Variants in LTBP1 observed in about 807,000 individuals in gnomAD.
LTBP1 encodes latent-transforming growth factor beta-binding protein 1.
In LTBP1, 129 loss-of-function variants were observed where a neutral mutation model predicts 207.6. The ratio of observed to expected loss-of-function variants is 0.62; its 90% CI spans 0.54 to 0.72. LTBP1 has a LOEUF of 0.72. LTBP1 is among the 30% of genes least tolerant of loss of function. LTBP1 has a pLI of 0.00. For synonymous variants in LTBP1, 963 were observed against 833.7 expected, an observed-to-expected ratio of 1.16 and a Z score of -2.67; for missense variants, 2,281 against 2,217.2, an observed-to-expected ratio of 1.03 and a Z score of -0.58.
rs6719885 is a variant in LTBP1 at position 33,283,923 on chromosome 2, A to G, written c.3112+3765A>G. 3.2e-3 allele frequency among the ~76,000 whole-genome samples: 492 copies of G among 152,352 alleles called. 1 individual carries two copies. Among genetic ancestry groups the G allele is most frequent in the African/African-American group, 0.011 (453 of 41,582 alleles). On this transcript the variant is annotated intron_variant, in intron 19 of 33. Coordinates refer to ENST00000404816, the MANE Select transcript of LTBP1 (RefSeq NM_206943.4). ...TTTACATTGTTATAATCAAACATGT[A>G]CAATGTTTTATATAACATTTCTTAA...
chr2:33,316,182 G>GGAGGA, intron 24 of LTBP1, among the ~76,000 whole-genome samples: 1 of 152,094 alleles, frequency 6.6e-6, no homozygotes, highest in Admixed American at 6.5e-5. Context: ...TGTTCTTGAT[G>GGAGGA]ATAATTTACC....
At chr2:33,103,585 A>ATGTGTGTGTGTG (rs1558640670) in intron 3 of LTBP1, among the ~76,000 whole-genome samples, 55 of 77,276 alleles carry the variant, frequency 7.1e-4, no homozygotes, top group African/African-American at 2.2e-3. Flanking sequence ...GTCTCCGTTT[A>ATGTGTGTGTGTG]CGTGTGTGTG....
At chr2:33,296,618 G>A (rs1558966027) in intron 20 of LTBP1, among the ~76,000 whole-genome samples, 2 of 152,144 alleles carry the variant, frequency 1.3e-5, no homozygotes, top group Admixed American at 6.5e-5. Context: ...GCTCTTGGCT[G>A]TTGCCATCCC....
chr2:33,252,708 G>A lies in LTBP1; in HGVS notation c.2031G>A (p.Gly677=). 1.2e-6 allele frequency: 2 copies of A among 1,612,910 alleles called. No individual in the cohort carries two copies. Among genetic ancestry groups the A allele is most frequent in the Non-Finnish European group, 1.7e-6 (2 of 1,179,172 alleles). ...CCCCTGTGATCTCGGAAGAGAAAGG[G>A]CCCTGTTACCGACTTGTCAGTTCTG... ...PDPPVISEEK[G]PCYRLVSSGR... is the part of the protein sequence containing the mutation. Residue 677 remains glycine (G), a synonymous_variant, in exon 11 of 34, where the codon GGG becomes GGA. Transcript: ENST00000404816.
At chr2:33,159,216 C>T (rs777947487) in intron 5 of LTBP1, among the ~76,000 whole-genome samples, 2 of 152,168 alleles carry the variant, frequency 1.3e-5, no homozygotes, top group Non-Finnish European at 2.9e-5. Context: ...TGCTGTGGCT[C>T]CGCAACTCAA....
chr2:33,074,176 A>G (rs1304514199), intron 3 of LTBP1, among the ~76,000 whole-genome samples: 1 of 152,242 alleles, frequency 6.6e-6, no homozygotes, highest in Non-Finnish European at 1.5e-5. Flanking sequence ...GATTTAACGT[A>G]TATGTTGTCC....
intron 15 of LTBP1, among the ~76,000 whole-genome samples, chr2:33,271,214 C>T (rs1453845): frequency 0.26 from 39,692 of 152,046 alleles, 5,433 homozygotes; most frequent in East Asian, 0.38. Context: ...AGTGACTACT[C>T]ATCAAGCTTT....
intron 5 of LTBP1, among the ~76,000 whole-genome samples, chr2:33,170,271 G>A (rs952192356): frequency 3.9e-5 from 6 of 152,226 alleles, no homozygotes; most frequent in South Asian, 2.1e-4. Flanking sequence ...GGTGACAGAC[G>A]GCACCTGGAA....
chr2:33,176,129 C>T (rs1277445337), intron 5 of LTBP1, among the ~76,000 whole-genome samples: 1 of 151,522 alleles, frequency 6.6e-6, no homozygotes, highest in Non-Finnish European at 1.5e-5. Context: ...ACATTGTGCA[C>T]ATGTACCCTA....
chr2:33,182,687 G>GAGATAGATATATATAT (rs1469125010), intron 5 of LTBP1, among the ~76,000 whole-genome samples: 2 of 67,042 alleles, frequency 3.0e-5, no homozygotes, highest in Non-Finnish European at 3.2e-5. Flanking sequence ...AAAAGATGGT[G>GAGATAGATATATATAT]ATATATATAT....
chr2:33,196,058 C>CGTAATAGATGTAATA (rs1354714724), intron 7 of LTBP1, among the ~76,000 whole-genome samples: 2 of 152,172 alleles, frequency 1.3e-5, no homozygotes, highest in African/African-American at 4.8e-5. Context: ...ACTTAATAGA[C>CGTAATAGATGTAATA]GACAGTATAG....
At chr2:33,393,063 C>T (rs1221038408) in intron 32 of LTBP1, among the ~76,000 whole-genome samples, 2 of 151,430 alleles carry the variant, frequency 1.3e-5, no homozygotes. Flanking sequence ...ATTTTTTTAA[C>T]TTTTAGGTTC....
chr2:33,334,362 T>C (rs10495786), intron 24 of LTBP1, among the ~76,000 whole-genome samples: 17,323 of 152,252 alleles, frequency 0.11, 1,591 homozygotes, highest in East Asian at 0.4. Context: ...CAGAGAACTA[T>C]TTGATTGGAC....
chr2:33,045,355 A>G (rs2076392478), intron 3 of LTBP1, among the ~76,000 whole-genome samples: 1 of 152,170 alleles, frequency 6.6e-6, no homozygotes, highest in African/African-American at 2.4e-5. Context: ...TCCCAACACT[A>G]TTTATTAAAT....
In LTBP1 at chr2:33,315,165, C is replaced by G. The variant is rs753141251; in HGVS notation, c.3626C>G (p.Pro1209Arg). 71 of 1,604,424 alleles carry G rather than the reference C, an allele frequency of 4.4e-5. No homozygotes were observed. Among genetic ancestry groups the G allele is most frequent in the Non-Finnish European group, 5.9e-5 (70 of 1,177,808 alleles). ...ACAGATATTAATGAATGTGAACATC[C>G]AGGGCTCTGTGGTCCGCAAGGGGAG... ...TCQDINECEH[P>R]GLCGPQGECL... Residue 1209 changes from proline (P) to arginine (R), a missense_variant, in exon 24 of 34, where the codon CCA becomes CGA. By Grantham distance (103) the Pro-to-Arg change is moderately radical (BLOSUM62 -2). Transcript: ENST00000404816.
intron 3 of LTBP1, among the ~76,000 whole-genome samples, chr2:33,044,464 A>G (rs999552919): frequency 1.3e-5 from 2 of 152,210 alleles, no homozygotes; most frequent in African/African-American, 4.8e-5. Context: ...TTATGGCTGC[A>G]TAGCATTCCA....
intron 26 of LTBP1, among the ~76,000 whole-genome samples, chr2:33,350,521 G>T (rs929652354): frequency 2.0e-5 from 3 of 152,228 alleles, no homozygotes; most frequent in African/African-American, 7.2e-5. Context: ...TATTGCCCCA[G>T]ATGAACCTTT....
chr2:33,208,103 C>T (rs1019934837), intron 7 of LTBP1, among the ~76,000 whole-genome samples: 2 of 152,218 alleles, frequency 1.3e-5, no homozygotes, highest in African/African-American at 4.8e-5. Flanking sequence ...CATCCAGATT[C>T]ATAGTATTGA....
At chr2:33,106,318 A>G (rs964506311) in intron 3 of LTBP1, among the ~76,000 whole-genome samples, 50 of 152,214 alleles carry the variant, frequency 3.3e-4, no homozygotes, top group African/African-American at 1.2e-3. Context: ...TCCTCCCATG[A>G]ATCACAAATG....
Sources: allele counts gnomAD v4.1 joint callset (sites outside exome capture counted in the v4.1 genomes callset), GRCh38; gene constraint gnomAD v4.1.1; transcripts MANE v1.5; gene names NCBI Gene and HGNC (gene_info 2026-07-23, HGNC 2026-07-21).